The following CELF2 variants were observed in gnomAD, a reference collection of about 807,000 sequenced individuals.
CELF2 encodes the protein CUG triplet repeat RNA-binding protein 2.
CELF2 carries 8 observed loss-of-function variants against 62.6 expected under a neutral mutation model. That is an observed-to-expected ratio of 0.13 (90% CI 0.07 to 0.23). The LOEUF (loss-of-function observed/expected upper bound fraction) is 0.23, where lower values mean the gene tolerates loss of function less well. Among genes scored for constraint, CELF2 ranks in the 10% least tolerant of loss-of-function variants. The pLI is 1.00. For missense variants in CELF2, 333 were observed against 671.0 expected, an observed-to-expected ratio of 0.50 and a Z score of 5.56; for synonymous variants, 258 against 250.0, an observed-to-expected ratio of 1.03 and a Z score of -0.30.
At chr10:11,065,777 T>TA (rs371275227) in intron 1 of CELF2, among the ~76,000 whole-genome samples, 1 of 152,032 alleles carries the variant, frequency 6.6e-6, no homozygotes, top group African/African-American at 2.4e-5. Flanking sequence ...TAGAAGGTAC[T>TA]ATGGTCAGGG....
intron 1 of CELF2, among the ~76,000 whole-genome samples, chr10:10,912,060 G>C (rs2063857945): frequency 6.6e-6 from 1 of 152,202 alleles, no homozygotes; most frequent in Admixed American, 6.5e-5. Context: ...AGTATCACCT[G>C]TTTCATACAG....
exon 1 of CELF2, chr10:10,798,628 A>G (rs994486993): frequency 2.5e-6 from 1 of 397,248 alleles, no homozygotes; most frequent in Non-Finnish European, 4.4e-6. Flanking sequence ...GAAGTCAGGA[A>G]AAGTGCGTGT....
At chr10:11,129,272 C>T (rs908044723) in intron 1 of CELF2, among the ~76,000 whole-genome samples, 3 of 152,102 alleles carry the variant, frequency 2.0e-5, no homozygotes, top group South Asian at 2.1e-4. Context: ...CTGCTGGATT[C>T]GGTTTGCCAG....
chr10:10,800,184 T>A (rs2131490889), intron 1 of CELF2, among the ~76,000 whole-genome samples: 1 of 152,356 alleles, frequency 6.6e-6, no homozygotes, highest in East Asian at 1.9e-4. Flanking sequence ...TTTTAAAAAG[T>A]ACTGCATGTC....
the CELF2 span, among the ~76,000 whole-genome samples, chr10:10,601,775 C>T: frequency 2.7e-5 from 4 of 149,754 alleles, no homozygotes; most frequent in Non-Finnish European, 4.4e-5. Context: ...GCAGGATGTG[C>T]AGGTTTGTTA....
In CELF2 at chr10:11,296,172, G is replaced by A. The variant is rs992160215; in HGVS notation, c.976+7620G>A. Among the ~76,000 whole-genome samples, 8 of 152,200 alleles carry A rather than the reference G, an allele frequency of 5.3e-5. No homozygotes were observed. The highest frequency in any genetic ancestry group is 1.3e-4 in the Admixed American group (2 of 15,284). ...ATCTTAGGGCTGCCACTCACCAAGC[G>A]CATTGTTCCTTGTTTTGAGTGGGCT... On this transcript the variant is annotated intron_variant, in intron 9 of 12. Coordinates refer to ENST00000633077, the MANE Select transcript of CELF2 (RefSeq NM_001326342.2). The surrounding 1 kb of genome is among the most constrained non-coding windows in gnomAD (Gnocchi z 5.0).
chr10:10,636,446 T>G, the CELF2 span, among the ~76,000 whole-genome samples: 2 of 152,228 alleles, frequency 1.3e-5, no homozygotes, highest in African/African-American at 4.8e-5. Context: ...TTCACATTTC[T>G]GTTATGTTAA....
the CELF2 span, among the ~76,000 whole-genome samples, chr10:10,495,072 C>A: frequency 3.3e-5 from 5 of 151,820 alleles, no homozygotes; most frequent in African/African-American, 1.2e-4. Context: ...GTCAGGAGAT[C>A]GAGACCATCC....
Position 11,270,191 on chromosome 10 carries a change from C to T in CELF2, c.619-475C>T, listed in dbSNP as rs991850794. Among the ~76,000 whole-genome samples, 6 of 152,140 alleles carry T rather than the reference C, an allele frequency of 3.9e-5. No homozygotes were observed. The highest frequency in any genetic ancestry group is 6.5e-5 in the Admixed American group (1 of 15,278). On this transcript the variant is annotated intron_variant, in intron 6 of 12. Coordinates refer to ENST00000633077, the MANE Select transcript of CELF2 (RefSeq NM_001326342.2). The surrounding 1 kb of genome is among the most constrained non-coding windows in gnomAD (Gnocchi z 5.8). ...AAGTTCACAGATACATAACTGAAAA[C>T]GGGAAAGAGTAAAAGATAAATGAAT...
intron 1 of CELF2, chr10:10,919,909 A>G (rs751652075): frequency 9.8e-6 from 11 of 1,128,132 alleles, no homozygotes; most frequent in East Asian, 6.4e-5. Context: ...ATACATTTTC[A>G]TAATTCACCA....
the CELF2 span, among the ~76,000 whole-genome samples, chr10:10,667,524 C>T: frequency 3.3e-5 from 5 of 152,186 alleles, no homozygotes; most frequent in African/African-American, 1.2e-4. Context: ...GAAATATTTC[C>T]TATAACTTAA....
At chr10:10,813,113 T>C (rs549671512) in intron 1 of CELF2, among the ~76,000 whole-genome samples, 1 of 152,368 alleles carries the variant, frequency 6.6e-6, no homozygotes, top group South Asian at 2.1e-4. Flanking sequence ...ATCCTCATTT[T>C]CTTTCAAGGC....
intron 2 of CELF2, among the ~76,000 whole-genome samples, chr10:11,185,483 C>T (rs866443371): frequency 2.6e-5 from 4 of 152,174 alleles, no homozygotes; most frequent in African/African-American, 4.8e-5. Flanking sequence ...GGCACGATCT[C>T]GGCTCCCCGC....
intron 3 of CELF2, among the ~76,000 whole-genome samples, chr10:11,245,209 T>A (rs2075248923): frequency 6.6e-6 from 1 of 152,224 alleles, no homozygotes; most frequent in African/African-American, 2.4e-5. Flanking sequence ...TCTTTTATAA[T>A]AACTTCTCAA....
the CELF2 span, among the ~76,000 whole-genome samples, chr10:10,555,917 T>G: frequency 6.6e-6 from 1 of 152,234 alleles, no homozygotes; most frequent in African/African-American, 2.4e-5. Flanking sequence ...TTTAGGTGAC[T>G]GTATGCAGTC....
chr10:10,670,146 G>A, the CELF2 span, among the ~76,000 whole-genome samples: 1 of 152,074 alleles, frequency 6.6e-6, no homozygotes, highest in South Asian at 2.1e-4. Context: ...AGGTGATCGG[G>A]CCACTTTGGC....
chr10:11,257,740 G>A lies in CELF2; in HGVS notation c.406G>A (p.Val136Met). 6.2e-7 allele frequency: 1 copy of A among 1,613,628 alleles called. No homozygotes were observed. ...CATTCGTTATTTTTATCTCCTAGCT[G>A]TGGAAGACAGAAAATTGTTCATAGG... is the stretch of plus-strand genomic sequence containing the variant. ...KPADSEKSNA[V>M]EDRKLFIGMV... The change falls in exon 5 of 13, where the codon GTG (valine) becomes ATG (methionine). Residue 136 changes from valine to methionine, a missense_variant and splice_region_variant. Val to Met is a conservative substitution (Grantham distance 21, BLOSUM62 1). This residue lies in a region of CELF2 where 253 missense variants were observed against 503.0 expected (regional missense o/e 0.50). Coordinates refer to ENST00000633077, the MANE Select transcript of CELF2 (RefSeq NM_001326342.2).
At chr10:10,809,467 A>G (rs1433701697) in intron 1 of CELF2, among the ~76,000 whole-genome samples, 1 of 152,180 alleles carries the variant, frequency 6.6e-6, no homozygotes, top group Non-Finnish European at 1.5e-5. Flanking sequence ...GTTTCATCTT[A>G]TACTTTCCAT....
chr10:10,621,294 A>AAACCTAAT, the CELF2 span, among the ~76,000 whole-genome samples: 1 of 151,734 alleles, frequency 6.6e-6, no homozygotes, highest in South Asian at 2.1e-4. Context: ...CAGATCCAAA[A>AAACCTAAT]AACCTAATAT....
Sources: allele counts gnomAD v4.1 joint callset (sites outside exome capture counted in the v4.1 genomes callset), GRCh38; gene constraint gnomAD v4.1.1; regional missense constraint gnomAD v4.1.1; non-coding constraint Gnocchi (gnomAD v3.1); transcripts MANE v1.5; gene names NCBI Gene and HGNC (gene_info 2026-07-23, HGNC 2026-07-21).